Variants in POFUT3 observed in about 807,000 individuals in gnomAD.
POFUT3 encodes the protein GDP-fucose protein O-fucosyltransferase 3.
chr8:33,358,820 T>A, the POFUT3 span, among the ~76,000 whole-genome samples: 1 of 151,014 alleles, frequency 6.6e-6, no homozygotes, highest in Non-Finnish European at 1.5e-5. Flanking sequence ...CTGGGCGACA[T>A]GGCAACACCC....
At chr8:33,312,977 T>A in the POFUT3 span, among the ~76,000 whole-genome samples, 2 of 152,144 alleles carry the variant, frequency 1.3e-5, no homozygotes, top group Non-Finnish European at 2.9e-5. Context: ...ATTCACTCAT[T>A]CTATGATGAT....
the POFUT3 span, among the ~76,000 whole-genome samples, chr8:33,348,047 G>A: frequency 2.6e-5 from 4 of 152,028 alleles, no homozygotes; most frequent in South Asian, 8.3e-4. Flanking sequence ...ACCTGGTGGT[G>A]GGCACCTGTA....
the POFUT3 span, among the ~76,000 whole-genome samples, chr8:33,406,735 T>C: frequency 6.6e-6 from 1 of 151,968 alleles, no homozygotes; most frequent in African/African-American, 2.4e-5. Context: ...CCAGCTAATT[T>C]TTATTTTTTG....
chr8:33,412,041 A>C, the POFUT3 span, among the ~76,000 whole-genome samples: 1 of 152,204 alleles, frequency 6.6e-6, no homozygotes, highest in Admixed American at 6.5e-5. Flanking sequence ...CATGCACATC[A>C]CACAAGCAAT....
chr8:33,382,404 T>A, the POFUT3 span, among the ~76,000 whole-genome samples: 49 of 147,194 alleles, frequency 3.3e-4, 1 homozygote, highest in East Asian at 7.2e-3. Flanking sequence ...TTTTTTTTTT[T>A]ATGGCATAGA....
At chr8:33,387,797 C>T in the POFUT3 span, among the ~76,000 whole-genome samples, 5 of 151,810 alleles carry the variant, frequency 3.3e-5, no homozygotes, top group East Asian at 1.9e-4. Context: ...GAGTGAGACT[C>T]GGTCTCAAAA....
the POFUT3 span, among the ~76,000 whole-genome samples, chr8:33,317,146 A>G: frequency 6.6e-6 from 1 of 152,188 alleles, no homozygotes; most frequent in Admixed American, 6.6e-5. Flanking sequence ...AAGTAATAAT[A>G]GCTTAAAACA....
At chr8:33,388,305 T>C in the POFUT3 span, among the ~76,000 whole-genome samples, 1 of 151,324 alleles carries the variant, frequency 6.6e-6, no homozygotes, top group African/African-American at 2.4e-5. Flanking sequence ...GGCTAAAGGA[T>C]TGACCATGTG....
the POFUT3 span, among the ~76,000 whole-genome samples, chr8:33,379,837 A>AAG: frequency 4.1e-5 from 1 of 24,480 alleles, no homozygotes; most frequent in African/African-American, 8.5e-5. Flanking sequence ...CTCTGTCTAA[A>AAG]AAAAAAAAAA....
the POFUT3 span, among the ~76,000 whole-genome samples, chr8:33,393,154 A>T: frequency 6.6e-6 from 1 of 152,346 alleles, no homozygotes; most frequent in East Asian, 1.9e-4. Context: ...CGCAATGCCT[A>T]CTGTAACAAG....
At chr8:33,460,653 G>C in the POFUT3 span, 1 of 847,728 alleles carries the variant, frequency 1.2e-6, no homozygotes, top group Non-Finnish European at 1.4e-6. Flanking sequence ...CAGGAAGACA[G>C]ACTGAGCTTT....
the POFUT3 span, among the ~76,000 whole-genome samples, chr8:33,415,069 C>A: frequency 6.6e-6 from 1 of 151,976 alleles, no homozygotes; most frequent in Non-Finnish European, 1.5e-5. Flanking sequence ...CGAGACCAGC[C>A]TGGCCAACAT....
the POFUT3 span, among the ~76,000 whole-genome samples, chr8:33,375,560 T>A: frequency 7.2e-5 from 11 of 151,950 alleles, no homozygotes; most frequent in African/African-American, 2.7e-4. Context: ...GGAAAAATAA[T>A]CAAATAAAGA....
chr8:33,360,059 C>T, the POFUT3 span, among the ~76,000 whole-genome samples: 10 of 151,670 alleles, frequency 6.6e-5, no homozygotes, highest in African/African-American at 2.2e-4. Flanking sequence ...ACAAAACAAA[C>T]TATCTACCTC....
At chr8:33,408,001 A>AAAAG in the POFUT3 span, among the ~76,000 whole-genome samples, 1 of 150,958 alleles carries the variant, frequency 6.6e-6, no homozygotes, top group African/African-American at 2.4e-5. Flanking sequence ...AAAAAAAAAA[A>AAAAG]AAAAGAAAAG....
chr8:33,429,600 G>C, the POFUT3 span, among the ~76,000 whole-genome samples: 1 of 152,064 alleles, frequency 6.6e-6, no homozygotes, highest in Non-Finnish European at 1.5e-5. Flanking sequence ...ATGGAGGAAG[G>C]GGAGGAAGAG....
the POFUT3 span, among the ~76,000 whole-genome samples, chr8:33,368,155 A>G: frequency 6.6e-6 from 1 of 152,200 alleles, no homozygotes; most frequent in Admixed American, 6.5e-5. Flanking sequence ...GGGCAAGGGT[A>G]TATAGCAGAG....
chr8:33,379,072 C>T, the POFUT3 span, among the ~76,000 whole-genome samples: 2 of 151,950 alleles, frequency 1.3e-5, no homozygotes, highest in South Asian at 2.1e-4. Flanking sequence ...GGCATTTCCT[C>T]TCTCTCTCCC....
chr8:33,417,910 G>A, the POFUT3 span, among the ~76,000 whole-genome samples: 7 of 152,070 alleles, frequency 4.6e-5, no homozygotes, highest in African/African-American at 1.7e-4. Context: ...AACCCCAGGG[G>A]TCCACATTCC....
Sources: allele counts gnomAD v4.1 joint callset (sites outside exome capture counted in the v4.1 genomes callset), GRCh38; gene constraint gnomAD v4.1.1; transcripts MANE v1.5; gene names NCBI Gene and HGNC (gene_info 2026-07-23, HGNC 2026-07-21).